Variants in ATG10 observed in about 807,000 individuals in gnomAD.
ATG10 encodes ubiquitin-like-conjugating enzyme ATG10.
In ATG10, 30 loss-of-function variants were observed where a neutral mutation model predicts 32.1. That is an observed-to-expected ratio of 0.94 (90% CI 0.70 to 1.27). The LOEUF (loss-of-function observed/expected upper bound fraction) is 1.27. Ranked by LOEUF, ATG10 falls within the 50% of genes most tolerant of loss-of-function variation. The pLI, the probability that ATG10 is intolerant of heterozygous loss-of-function variation, is 0.00. For missense variants in ATG10, 233 were observed against 262.3 expected, an observed-to-expected ratio of 0.89 and a Z score of 0.77; for synonymous variants, 87 against 91.5, an observed-to-expected ratio of 0.95 and a Z score of 0.28.
At chr5:82,216,031 T>C (rs1172454280) in intron 5 of ATG10, among the ~76,000 whole-genome samples, 1 of 152,188 alleles carries the variant, frequency 6.6e-6, no homozygotes, top group Non-Finnish European at 1.5e-5. Flanking sequence ...TGCAGCAGGC[T>C]TAATCAATGT....
At chr5:82,072,599 G>A (rs1420569157) in intron 3 of ATG10, among the ~76,000 whole-genome samples, 1 of 152,078 alleles carries the variant, frequency 6.6e-6, no homozygotes, top group Admixed American at 6.6e-5. Flanking sequence ...GGCATTTTAT[G>A]AAATAATGAA....
chr5:82,044,097 T>G (rs1441145155), intron 2 of ATG10, among the ~76,000 whole-genome samples: 1 of 151,998 alleles, frequency 6.6e-6, no homozygotes, highest in African/African-American at 2.4e-5. Context: ...TATAAAGAAA[T>G]GAGGCTTAAT....
chr5:82,229,547 G>T (rs895752357), intron 5 of ATG10, among the ~76,000 whole-genome samples: 1 of 152,096 alleles, frequency 6.6e-6, no homozygotes, highest in Non-Finnish European at 1.5e-5. Flanking sequence ...TTGTGTGCTG[G>T]TTTTTACACT....
chr5:82,060,816 A>T (rs1299839562), intron 3 of ATG10, among the ~76,000 whole-genome samples: 2 of 151,996 alleles, frequency 1.3e-5, no homozygotes, highest in African/African-American at 4.8e-5. Context: ...AGCTGAGATT[A>T]CATCATTGGT....
chr5:82,213,154 G>T (rs115121066), intron 5 of ATG10, among the ~76,000 whole-genome samples: 3 of 152,070 alleles, frequency 2.0e-5, no homozygotes, highest in Non-Finnish European at 2.9e-5. Context: ...AACTTTTTGC[G>T]TCTATTTATT....
At chr5:82,230,304 T>C (rs1160521197) in intron 5 of ATG10, among the ~76,000 whole-genome samples, 2 of 152,194 alleles carry the variant, frequency 1.3e-5, no homozygotes, top group Non-Finnish European at 2.9e-5. Context: ...GTTTCATCTT[T>C]TTGGAGGGAA....
chr5:82,027,329 G>A (rs1762622576), intron 2 of ATG10, among the ~76,000 whole-genome samples: 1 of 152,058 alleles, frequency 6.6e-6, no homozygotes, highest in South Asian at 2.1e-4. Context: ...AGCTTAGGAT[G>A]TTGAGGCTGT....
chr5:82,081,945 C>G (rs1440975962), intron 3 of ATG10, among the ~76,000 whole-genome samples: 6 of 152,182 alleles, frequency 3.9e-5, no homozygotes, highest in African/African-American at 1.4e-4. Flanking sequence ...ACCAGTTCCT[C>G]CTTGTACCTC....
chr5:82,089,520 A>G (rs1044806381), intron 3 of ATG10, among the ~76,000 whole-genome samples: 2 of 152,224 alleles, frequency 1.3e-5, no homozygotes, highest in Non-Finnish European at 2.9e-5. Flanking sequence ...GAGCAATTGG[A>G]CATCCCTAGG....
chr5:82,185,827 A>C (rs1744425080), intron 5 of ATG10, among the ~76,000 whole-genome samples: 1 of 152,230 alleles, frequency 6.6e-6, no homozygotes, highest in Non-Finnish European at 1.5e-5. Context: ...TAAGTGCTCA[A>C]GTGAAGTTCC....
At chr5:82,150,715 T>C (rs1767563693) in intron 3 of ATG10, among the ~76,000 whole-genome samples, 1 of 152,140 alleles carries the variant, frequency 6.6e-6, no homozygotes, top group Non-Finnish European at 1.5e-5. Flanking sequence ...CTCAGTACAG[T>C]AGGCAATTAC....
At chr5:81,978,548 G>A (rs537761623) in intron 1 of ATG10, among the ~76,000 whole-genome samples, 2 of 152,166 alleles carry the variant, frequency 1.3e-5, no homozygotes, top group African/African-American at 2.4e-5. Context: ...CATCAGTGGT[G>A]GAACATTTTT....
At chr5:82,163,692 C>T (rs1329959552) in intron 3 of ATG10, among the ~76,000 whole-genome samples, 2 of 151,834 alleles carry the variant, frequency 1.3e-5, no homozygotes, top group Non-Finnish European at 2.9e-5. Context: ...TTTTAAAAGC[C>T]CCACACACAA....
chr5:82,108,894 A>AG (rs1491008162), intron 3 of ATG10, among the ~76,000 whole-genome samples: 1 of 55,746 alleles, frequency 1.8e-5, no homozygotes, highest in African/African-American at 3.9e-5. Context: ...AAACAGGCAT[A>AG]GGGGGGAAGA....
At chr5:82,039,478 A>G (rs1763022662) in intron 2 of ATG10, among the ~76,000 whole-genome samples, 1 of 152,002 alleles carries the variant, frequency 6.6e-6, no homozygotes, top group South Asian at 2.1e-4. Flanking sequence ...AATGAATATT[A>G]TTGTCTTTGA....
In ATG10 at chr5:82,254,899, A is replaced by AGTGTGAGTGTGTGTGT. The variant is rs1554061506; in HGVS notation, c.*841_*842insAGTGTGTGTGTGTGTG. On this transcript the variant is annotated 3_prime_UTR_variant, in exon 8 of 8. Coordinates refer to ENST00000282185, the MANE Select transcript of ATG10 (RefSeq NM_031482.5). ...AAAAGAGAGAGAGAGAGTGAGTGTG[A>AGTGTGAGTGTGTGTGT]GTGTGTGTGTGTGTGTGTGTGTATG... 1 of 149,644 alleles carries AGTGTGAGTGTGTGTGT rather than the reference A, an allele frequency of 6.7e-6. No individual in the cohort carries two copies. The highest frequency in any genetic ancestry group is 2.1e-4 in the South Asian group (1 of 4,668). The allele number at this position is 149,644 out of a possible 1,614,324, so 9.3% of individuals were successfully genotyped here. A position where few individuals can be genotyped will look rare whatever the true frequency, so the allele number is the denominator to read the frequency against.
Position 82,255,355 on chromosome 5 carries a change from A to G in ATG10, c.*1292A>G, listed in dbSNP as rs1218938959. On this transcript the variant is annotated 3_prime_UTR_variant, in exon 8 of 8. Coordinates refer to ENST00000282185, the MANE Select transcript of ATG10 (RefSeq NM_031482.5). Reference sequence around the variant, plus strand: ...TTCACTAAGGCTGTAAATAAGTTTCATAGCCAGTTAAGTATTAAGATAAAC... The same window carrying G: ...TTCACTAAGGCTGTAAATAAGTTTCGTAGCCAGTTAAGTATTAAGATAAAC... 1 of 152,222 alleles carries G rather than the reference A, an allele frequency of 6.6e-6. No individual in the cohort carries two copies. The highest frequency in any genetic ancestry group is 1.5e-5 in the Non-Finnish European group (1 of 68,050). 9.4% of individuals were successfully genotyped at this position (152,222 alleles called of 1,614,324 possible).
intron 2 of ATG10, among the ~76,000 whole-genome samples, chr5:82,007,732 G>A (rs1373629384): frequency 6.6e-6 from 1 of 152,094 alleles, no homozygotes; most frequent in Non-Finnish European, 1.5e-5. Context: ...AACGATTACA[G>A]CCATGAACCA....
At chr5:82,235,443 A>G (rs982931970) in intron 5 of ATG10, among the ~76,000 whole-genome samples, 1 of 152,140 alleles carries the variant, frequency 6.6e-6, no homozygotes, top group African/African-American at 2.4e-5. Context: ...TTTATCTTTA[A>G]TCTGACATCC....
Sources: gnomAD v4.1 joint callset for allele counts (sites outside exome capture counted in the v4.1 genomes callset) on GRCh38, gnomAD v4.1.1 for gene constraint, MANE v1.5 for transcripts, NCBI Gene and HGNC (gene_info 2026-07-23, HGNC 2026-07-21) for gene names.